NIPAL4: variants seen among roughly 807,000 people sequenced by gnomAD.
NIPAL4 encodes the protein NIPA like domain containing 4, also known as magnesium transporter NIPA4.
In NIPAL4, 21 loss-of-function variants were observed where a neutral mutation model predicts 31.6. That is an observed-to-expected ratio of 0.67 (90% confidence interval 0.47 to 0.96). The LOEUF (loss-of-function observed/expected upper bound fraction) is 0.96. NIPAL4 is among the 40% of genes least tolerant of loss of function. The pLI is 0.00. For synonymous variants in NIPAL4, 175 were observed against 211.1 expected (o/e 0.83, Z 1.48); for missense variants, 438 against 508.0 (o/e 0.86, Z 1.32).
chr5:157,471,654 C>G lies in NIPAL4; in HGVS notation c.426-3C>G. ...AATCCCCTTCTCCCATTTCCACGTG[C>G]AGTGCCATCCTCTCCTCATATTTCC... On this transcript the variant is annotated splice_polypyrimidine_tract_variant and splice_region_variant and intron_variant, in intron 4 of 5. Transcript: ENST00000311946. 2 of 1,600,118 alleles carry G rather than the reference C, an allele frequency of 1.2e-6. No individual in the cohort carries two copies. Among genetic ancestry groups the G allele is most frequent in the East Asian group, 4.5e-5 (2 of 44,570 alleles).
At chr5:157,464,219 G>A (rs1006918434) in intron 2 of NIPAL4, among the ~76,000 whole-genome samples, 10 of 152,168 alleles carry the variant, frequency 6.6e-5, no homozygotes, top group African/African-American at 1.9e-4. Context: ...GGAATAACAC[G>A]TGCAAAGGCT....
rs1420741657 is a variant in NIPAL4, at chr5:157,474,543, A to G, written c.*1583A>G. 1.3e-5 allele frequency: 2 copies of G among 152,198 alleles called. No individual in the cohort carries two copies. The highest frequency in any genetic ancestry group is 4.8e-5 in the African/African-American group (2 of 41,442). The allele number at this position is 152,198 out of a possible 1,614,324, so 9.4% of individuals were successfully genotyped here. On this transcript the variant is annotated 3_prime_UTR_variant, in exon 6 of 6. Transcript: ENST00000311946. ...GCCTTGGAACTCCAAGGTTTGGCTG[A>G]CCAGCAGACTGGCTCCCTGACTCTT...
At position 157,471,775 on chromosome 5, in the gene NIPAL4, G is replaced by T. The variant is rs540992129; in HGVS notation, c.544G>T (p.Val182Phe). The change falls in exon 5 of 6, where the codon GTC (valine) becomes TTC (phenylalanine). Residue 182 changes from valine (V) to phenylalanine (F), a missense_variant. Transcript: ENST00000311946. ...GATACATGCTCCTGAGGAAGAGAAGGTCACTACCATCATGGAGATGGCTTC... is the reference window on the plus strand; with the variant it reads ...GATACATGCTCCTGAGGAAGAGAAGTTCACTACCATCATGGAGATGGCTTC... ...MVIHAPEEEKVTTIMEMASKM... is the reference protein window; with the variant it reads ...MVIHAPEEEKFTTIMEMASKM... 770 of 1,600,132 alleles carry T rather than the reference G, an allele frequency of 4.8e-4. 3 individuals carry two copies. The Middle Eastern group carries it at 5.3e-3, about 11-fold the overall frequency.
At chr5:157,470,349 T>C (rs1290217385) in intron 4 of NIPAL4, among the ~76,000 whole-genome samples, 1 of 152,074 alleles carries the variant, frequency 6.6e-6, no homozygotes, top group African/African-American at 2.4e-5. Context: ...TGCCCAGAAA[T>C]TGAAGACTCA....
Position 157,473,998 on chromosome 5 carries a change from C to G in NIPAL4, c.*1038C>G, listed in dbSNP as rs1365336787. 6.6e-6 allele frequency: 1 copy of G among 152,312 alleles called. No homozygotes were observed. Among genetic ancestry groups the G allele is most frequent in the Non-Finnish European group, 1.5e-5 (1 of 68,110 alleles). The allele number at this position is 152,312 out of a possible 1,614,324, so 9.4% of individuals were successfully genotyped here. A position where few individuals can be genotyped will look rare whatever the true frequency, so the allele number is the denominator to read the frequency against. On this transcript the variant is annotated 3_prime_UTR_variant, in exon 6 of 6. Transcript: ENST00000311946. Reference sequence around the variant, plus strand: ...CTAGGGGCTAACTTTTGTGTTGACTCTGGTGCTCATCTGGGAACTTAGGAG... The same window carrying G: ...CTAGGGGCTAACTTTTGTGTTGACTGTGGTGCTCATCTGGGAACTTAGGAG...
At chr5:157,469,737 G>C (rs1251413678) in intron 4 of NIPAL4, among the ~76,000 whole-genome samples, 2 of 152,164 alleles carry the variant, frequency 1.3e-5, no homozygotes, top group Non-Finnish European at 2.9e-5. Flanking sequence ...CGTAACCTTG[G>C]AACGCCGGTA....
At position 157,463,335 on chromosome 5, in the gene NIPAL4, T is replaced by G. The variant is rs1754162307; in HGVS notation, c.277+2T>G. The G allele has an allele frequency of 1.9e-6, 3 of 1,605,268 alleles. No homozygotes were observed. Among genetic ancestry groups the G allele is most frequent in the Non-Finnish European group, 2.6e-6 (3 of 1,174,974 alleles). ...TGGCCACGGGAGCCACTCGAGCTGG[T>G]AGGTTCCTGGGCCAGGAGAGGATAG... On this transcript the variant is annotated splice_donor_variant, in intron 2 of 5. Coordinates refer to ENST00000311946, the MANE Select transcript of NIPAL4 (RefSeq NM_001099287.2). LOFTEE classifies it high-confidence loss of function.
intron 2 of NIPAL4, among the ~76,000 whole-genome samples, chr5:157,465,147 A>G (rs901318909): frequency 6.6e-6 from 1 of 152,220 alleles, no homozygotes; most frequent in African/African-American, 2.4e-5. Context: ...TGAGGTGCAG[A>G]GATGAAGTCA....
At position 157,473,652 on chromosome 5, in the gene NIPAL4, C is replaced by T. The variant is rs1442997811; in HGVS notation, c.*692C>T. ...CTCGGCATCCACCCAGTCCATCCCA[C>T]CATCACCCCTTCCCCCTCTACTTAC... is the stretch of plus-strand genomic sequence containing the variant. On this transcript the variant is annotated 3_prime_UTR_variant, in exon 6 of 6. Coordinates refer to ENST00000311946, the MANE Select transcript of NIPAL4 (RefSeq NM_001099287.2). The T allele has an allele frequency of 6.6e-6, 1 of 152,352 alleles. No homozygotes were observed. The highest frequency in any genetic ancestry group is 1.5e-5 in the Non-Finnish European group (1 of 68,082). The allele number at this position is 152,352 out of a possible 1,614,324, so 9.4% of individuals were successfully genotyped here. A position where few individuals can be genotyped will look rare whatever the true frequency, so the allele number is the denominator to read the frequency against.
intron 2 of NIPAL4, among the ~76,000 whole-genome samples, chr5:157,465,005 A>G (rs556123509): frequency 7.9e-4 from 121 of 152,278 alleles, no homozygotes; most frequent in African/African-American, 2.8e-3. Context: ...TATCTCAGTG[A>G]AAGGTTCCCA....
chr5:157,463,866 A>G (rs1754182317), intron 2 of NIPAL4, among the ~76,000 whole-genome samples: 1 of 152,196 alleles, frequency 6.6e-6, no homozygotes, highest in African/African-American at 2.4e-5. Flanking sequence ...TGCTTGAGAA[A>G]AGGAATCCTG....
chr5:157,464,236 T>G (rs754210628), intron 2 of NIPAL4, among the ~76,000 whole-genome samples: 10 of 151,694 alleles, frequency 6.6e-5, no homozygotes, highest in Non-Finnish European at 1.3e-4. Context: ...GGCTCAGAGG[T>G]GAGAGAACTT....
At chr5:157,462,195 C>T (rs776320949) in intron 1 of NIPAL4, among the ~76,000 whole-genome samples, 1 of 152,222 alleles carries the variant, frequency 6.6e-6, no homozygotes, top group South Asian at 2.1e-4. Flanking sequence ...TCTTGGGGAA[C>T]TGCAGAGAGT....
intron 4 of NIPAL4, among the ~76,000 whole-genome samples, chr5:157,469,778 A>C (rs1332289948): frequency 6.6e-6 from 1 of 152,150 alleles, no homozygotes; most frequent in Non-Finnish European, 1.5e-5. Flanking sequence ...AGTACCCATC[A>C]TTTGTTTTAC....
chr5:157,467,276 A>C, intron 3 of NIPAL4, 171 bp downstream of exon 3: 1 of 629,380 alleles, frequency 1.6e-6, no homozygotes, highest in Non-Finnish European at 2.9e-6. Flanking sequence ...CTTACCATCA[A>C]AGTCAGTCTT....
rs188515283 is a variant in NIPAL4, at chr5:157,472,882, C to T, written c.1137C>T (p.Asn379=). ...CTGTTATTAGACTGGAAGACAAGAACGTCCTTGTGGACAATATAGAACTTG... is the reference window on the plus strand; with the variant it reads ...CTGTTATTAGACTGGAAGACAAGAATGTCCTTGTGGACAATATAGAACTTG... The part of the protein sequence containing the change: ...EPTVIRLEDK[N]VLVDNIELAS... The change falls in exon 6 of 6, where the codon AAC becomes AAT. Residue 379 remains asparagine (N), a synonymous_variant. Coordinates refer to ENST00000311946, the MANE Select transcript of NIPAL4 (RefSeq NM_001099287.2). 54 of 1,559,040 alleles carry T rather than the reference C, an allele frequency of 3.5e-5. No individual in the cohort carries two copies. The highest frequency in any genetic ancestry group is 7.4e-5 in the South Asian group (6 of 81,538).
chr5:157,460,366 G>T lies in NIPAL4; in HGVS notation c.37+9G>T, dbSNP rs149147646. 1.2e-5 allele frequency: 19 copies of T among 1,542,150 alleles called. No individual in the cohort carries two copies. The Admixed American group carries it at 2.9e-4, about 24-fold the overall frequency. On this transcript the variant is annotated intron_variant, in intron 1 of 5. Coordinates refer to ENST00000311946, the MANE Select transcript of NIPAL4 (RefSeq NM_001099287.2). ...CACCAGCTGCGAGAACGGTGCGTACGGCAGGGCTGGGGACCAGGCGGGCTC... is the reference window on the plus strand; with the variant it reads ...CACCAGCTGCGAGAACGGTGCGTACTGCAGGGCTGGGGACCAGGCGGGCTC...
intron 4 of NIPAL4, 88 bp from the exon 5 acceptor site, chr5:157,471,569 C>G: frequency 9.6e-7 from 1 of 1,036,436 alleles, no homozygotes; most frequent in Admixed American, 2.4e-5. Context: ...CTGTTGTTCT[C>G]TGTGAGTGCT....
Position 157,472,438 on chromosome 5 carries a change from C to T in NIPAL4, c.693C>T (p.Cys231=), listed in dbSNP as rs1389695120. 23 of 1,613,886 alleles carry T rather than the reference C, an allele frequency of 1.4e-5. No homozygotes were observed. Among genetic ancestry groups the T allele is most frequent in the Non-Finnish European group, 1.9e-5 (22 of 1,179,864 alleles). Reference sequence around the variant, plus strand: ...ATATCCTCATCTACATCATCATCTGCTCTGTGATCGGGGCCTTCTCTGTGG... The same window carrying T: ...ATATCCTCATCTACATCATCATCTGTTCTGTGATCGGGGCCTTCTCTGTGG... The part of the protein sequence containing the change: ...QRNILIYIII[C]SVIGAFSVAA... Residue 231 remains cysteine (C), a synonymous_variant, in exon 6 of 6, where the codon TGC becomes TGT. Coordinates refer to ENST00000311946, the MANE Select transcript of NIPAL4 (RefSeq NM_001099287.2).
Sources: allele counts gnomAD v4.1 joint callset (sites outside exome capture counted in the v4.1 genomes callset), GRCh38; gene constraint gnomAD v4.1.1; transcripts MANE v1.5; gene names NCBI Gene and HGNC (gene_info 2026-07-23, HGNC 2026-07-21).